Variants in DGKB observed in about 807,000 individuals in gnomAD.
DGKB encodes diacylglycerol kinase beta.
DGKB carries 67 observed loss-of-function variants against 114.3 expected under a neutral mutation model. The ratio of observed to expected loss-of-function variants is 0.59; its 90% CI spans 0.48 to 0.72. The LOEUF is 0.72. Among genes scored for constraint, DGKB ranks in the 30% least tolerant of loss-of-function variants. DGKB has a pLI of 0.00. For synonymous variants in DGKB, 398 were observed against 323.1 expected (o/e 1.23, Z -2.49); for missense variants, 907 against 975.2 (o/e 0.93, Z 0.93).
At chr7:14,643,015 T>G (rs1812119030) in intron 13 of DGKB, among the ~76,000 whole-genome samples, 1 of 152,144 alleles carries the variant, frequency 6.6e-6, no homozygotes, top group Non-Finnish European at 1.5e-5. Context: ...AACCTAGCAC[T>G]CATCTCTTAA....
At chr7:14,847,904 G>A (rs188754671) in intron 1 of DGKB, among the ~76,000 whole-genome samples, 127 of 152,306 alleles carry the variant, frequency 8.3e-4, no homozygotes, top group African/African-American at 3.0e-3. Flanking sequence ...AAAGAAGTCA[G>A]TTATGACTGG....
intron 20 of DGKB, among the ~76,000 whole-genome samples, chr7:14,509,422 G>A (rs1237441305): frequency 6.6e-6 from 1 of 152,096 alleles, no homozygotes; most frequent in Admixed American, 6.5e-5. Context: ...ACACTCCCTT[G>A]AAGCAGTGGA....
chr7:14,630,310 CA>C, intron 13 of DGKB, 42 bp from the exon 14 acceptor site: 1 of 1,503,774 alleles, frequency 6.6e-7, no homozygotes, highest in Non-Finnish European at 9.0e-7. Flanking sequence ...GAAAAAGAGT[CA>C]AACTCAAAAC....
intron 15 of DGKB, among the ~76,000 whole-genome samples, chr7:14,620,014 T>C (rs1373331704): frequency 1.3e-5 from 2 of 151,604 alleles, no homozygotes; most frequent in African/African-American, 4.8e-5. Context: ...AACTTATCAA[T>C]ATTAGGCATC....
chr7:14,972,358 A>G (rs1011069979), intron 1 of DGKB, among the ~76,000 whole-genome samples: 4 of 152,134 alleles, frequency 2.6e-5, no homozygotes, highest in African/African-American at 4.8e-5. Context: ...TGACTAACAG[A>G]GATTATGCTT....
intron 13 of DGKB, among the ~76,000 whole-genome samples, chr7:14,631,191 T>C (rs1001790282): frequency 2.1e-5 from 3 of 145,974 alleles, no homozygotes; most frequent in African/African-American, 7.6e-5. Flanking sequence ...CCAAGATGGG[T>C]ATGAAAAATC....
At chr7:14,776,913 A>G (rs763844944) in intron 2 of DGKB, among the ~76,000 whole-genome samples, 1 of 152,164 alleles carries the variant, frequency 6.6e-6, no homozygotes, top group Non-Finnish European at 1.5e-5. Flanking sequence ...CAGACACTCA[A>G]TGCTAGCTAT....
chr7:14,366,538 G>T (rs1010339958), intron 21 of DGKB, among the ~76,000 whole-genome samples: 2 of 152,046 alleles, frequency 1.3e-5, no homozygotes, highest in Admixed American at 1.3e-4. Context: ...ATGTGTATGC[G>T]CATCCTACAA....
chr7:14,479,958 G>A (rs1272954146), intron 20 of DGKB, among the ~76,000 whole-genome samples: 1 of 151,900 alleles, frequency 6.6e-6, no homozygotes, highest in Non-Finnish European at 1.5e-5. Flanking sequence ...CTTCCCATAG[G>A]GAGAGTATCA....
Position 14,469,807 on chromosome 7 carries a change from T to A in DGKB, c.1835+8354A>T, listed in dbSNP as rs186401084. On this transcript the variant is annotated intron_variant, in intron 21 of 25. Coordinates refer to ENST00000402815, the MANE Select transcript of DGKB (RefSeq NM_001350709.2). ...AAGCTTTACATTAGGAATACACACA[T>A]AGAAGAGCACATATAATTGTAAGAG... Among the ~76,000 whole-genome samples, 175 of 152,000 alleles carry A rather than the reference T, an allele frequency of 1.2e-3. 1 individual carries two copies. The highest frequency in any genetic ancestry group is 4.1e-3 in the African/African-American group (170 of 41,492).
At chr7:14,440,974 A>G (rs1359804030) in intron 21 of DGKB, among the ~76,000 whole-genome samples, 2 of 151,924 alleles carry the variant, frequency 1.3e-5, no homozygotes. Flanking sequence ...AACCAGTTGA[A>G]TAGTTTTCCT....
chr7:14,498,735 AT>A (rs1297436377), intron 20 of DGKB, among the ~76,000 whole-genome samples: 1 of 151,780 alleles, frequency 6.6e-6, no homozygotes. Flanking sequence ...ACTAATTTGT[AT>A]TTTGCAATGA....
chr7:14,488,862 C>CCAA (rs10544281), intron 20 of DGKB, among the ~76,000 whole-genome samples: 15 of 147,878 alleles, frequency 1.0e-4, no homozygotes, highest in East Asian at 4.0e-4. Context: ...CAAAAAAAAC[C>CCAA]CAACAACAAC....
intron 23 of DGKB, among the ~76,000 whole-genome samples, chr7:14,186,217 C>G (rs1300052869): frequency 6.6e-6 from 1 of 152,132 alleles, no homozygotes; most frequent in East Asian, 1.9e-4. Context: ...CATGAATAGA[C>G]AATCCTCAAA....
chr7:14,524,131 G>A (rs939455445), intron 20 of DGKB, among the ~76,000 whole-genome samples: 1 of 151,926 alleles, frequency 6.6e-6, no homozygotes, highest in Admixed American at 6.6e-5. Flanking sequence ...ATTGTCTAAT[G>A]TTTGTATTTT....
chr7:14,161,695 T>A (rs909431947), intron 25 of DGKB, among the ~76,000 whole-genome samples: 2 of 151,952 alleles, frequency 1.3e-5, no homozygotes, highest in Non-Finnish European at 2.9e-5. Flanking sequence ...AGGGATAGCA[T>A]TAGGAGAAAT....
At chr7:14,968,726 G>C (rs1787302516) in intron 1 of DGKB, among the ~76,000 whole-genome samples, 1 of 152,140 alleles carries the variant, frequency 6.6e-6, no homozygotes, top group South Asian at 2.1e-4. Context: ...TGGAAAAGCA[G>C]ACCCTGTCAA....
Position 14,286,524 on chromosome 7 carries a change from C to G in DGKB, c.2122+51991G>C, listed in dbSNP as rs79097122. Among the ~76,000 whole-genome samples the G allele has an allele frequency of 1.9e-3, 294 of 152,182 alleles. 3 individuals are homozygous for G. Among genetic ancestry groups the G allele is most frequent in the African/African-American group, 6.6e-3 (274 of 41,536 alleles). On this transcript the variant is annotated intron_variant, in intron 23 of 25. Transcript: ENST00000402815. ...CGCTATTTTAAAATGGGAAATATGT[C>G]TGAATTAGGAATTGGGTAAATAGTC...
intron 23 of DGKB, among the ~76,000 whole-genome samples, chr7:14,265,542 T>C (rs1030698333): frequency 6.6e-6 from 1 of 152,016 alleles, no homozygotes; most frequent in African/African-American, 2.4e-5. Context: ...GTACTTCTTT[T>C]GGAAAACCTT....
Sources: gnomAD v4.1 joint callset for allele counts (sites outside exome capture counted in the v4.1 genomes callset) on GRCh38, gnomAD v4.1.1 for gene constraint, MANE v1.5 for transcripts, NCBI Gene and HGNC (gene_info 2026-07-23, HGNC 2026-07-21) for gene names.